PLA2G4A: variants seen among roughly 807,000 people sequenced by gnomAD.
PLA2G4A encodes the protein phospholipase A2 group IVA.
In PLA2G4A, 40 loss-of-function variants were observed where a neutral mutation model predicts 81.9. The observed-to-expected ratio is 0.49, with a 90% CI of 0.38 to 0.64. The LOEUF (loss-of-function observed/expected upper bound fraction) is 0.64. Ranked by LOEUF, PLA2G4A falls within the 30% of genes least tolerant of loss-of-function variation. The pLI, the probability that PLA2G4A is intolerant of heterozygous loss-of-function variation, is 0.00. For synonymous variants in PLA2G4A, 302 were observed against 296.9 expected (o/e 1.02, Z -0.18); for missense variants, 715 against 905.1 (o/e 0.79, Z 2.69).
intron 1 of PLA2G4A, among the ~76,000 whole-genome samples, chr1:186,835,244 C>G (rs1277754340): frequency 6.6e-6 from 1 of 152,058 alleles, no homozygotes; most frequent in Non-Finnish European, 1.5e-5. Context: ...GGATGTTCAC[C>G]CCTTATGGAA....
At chr1:186,863,515 C>T (rs1475320656) in intron 2 of PLA2G4A, among the ~76,000 whole-genome samples, 1 of 152,092 alleles carries the variant, frequency 6.6e-6, no homozygotes, top group Non-Finnish European at 1.5e-5. Context: ...ATCTTCTCTT[C>T]TATTTTGAAA....
chr1:186,900,044 A>T (rs1395036712), intron 5 of PLA2G4A, among the ~76,000 whole-genome samples: 1 of 152,174 alleles, frequency 6.6e-6, no homozygotes. Context: ...AGACAATTTT[A>T]GGGCTGCCAT....
At chr1:186,955,332 T>G (rs1656707270) in intron 13 of PLA2G4A, among the ~76,000 whole-genome samples, 1 of 152,194 alleles carries the variant, frequency 6.6e-6, no homozygotes, top group South Asian at 2.1e-4. Context: ...CCTTTAGCTC[T>G]CTCTCCTCAT....
chr1:186,910,869 G>A (rs985976451), intron 6 of PLA2G4A, among the ~76,000 whole-genome samples: 1 of 152,156 alleles, frequency 6.6e-6, no homozygotes, highest in African/African-American at 2.4e-5. Context: ...GAATAGTGAA[G>A]GGTGGAGAGA....
intron 1 of PLA2G4A, among the ~76,000 whole-genome samples, chr1:186,851,529 A>T (rs1022444964): frequency 6.6e-6 from 1 of 152,036 alleles, no homozygotes; most frequent in Non-Finnish European, 1.5e-5. Context: ...TGTAGTTCTC[A>T]TACTTTGAAT....
At chr1:186,934,135 C>A (rs567120213) in intron 8 of PLA2G4A, among the ~76,000 whole-genome samples, 25 of 152,122 alleles carry the variant, frequency 1.6e-4, no homozygotes, top group South Asian at 1.5e-3. Context: ...AAATCTTGGA[C>A]CCTTACATTA....
Position 186,979,364 on chromosome 1 carries a change from T to C in PLA2G4A, c.2010T>C (p.Ile670=), listed in dbSNP as rs761944779. 1 of 1,611,388 alleles carries C rather than the reference T, an allele frequency of 6.2e-7. No individual in the cohort carries two copies. Among genetic ancestry groups the C allele is most frequent in the African/African-American group, 1.3e-5 (1 of 75,012 alleles). ...AGAAAGAAATCGCTGACTTTGATAT[T>C]TTTGATGACCCAGAATCACCATTTT... The part of the protein sequence containing the change: ...EEEKEIADFD[I]FDDPESPFST... The change falls in exon 17 of 18, where the codon ATT becomes ATC. Residue 670 remains isoleucine, a synonymous_variant. Coordinates refer to ENST00000367466, the MANE Select transcript of PLA2G4A (RefSeq NM_024420.3).
At chr1:186,896,357 CAG>C (rs1654333415) in intron 5 of PLA2G4A, among the ~76,000 whole-genome samples, 1 of 152,148 alleles carries the variant, frequency 6.6e-6, no homozygotes, top group South Asian at 2.1e-4. Flanking sequence ...TGCTGAAGGC[CAG>C]AGTCTTGAAA....
chr1:186,978,217 T>C (rs1657599334), intron 16 of PLA2G4A, among the ~76,000 whole-genome samples: 1 of 152,214 alleles, frequency 6.6e-6, no homozygotes, highest in East Asian at 1.9e-4. Flanking sequence ...GTTTGCCATG[T>C]TGTATTTCAC....
chr1:186,873,989 C>T (rs1653378897), intron 3 of PLA2G4A, among the ~76,000 whole-genome samples: 1 of 152,078 alleles, frequency 6.6e-6, no homozygotes, highest in African/African-American at 2.4e-5. Flanking sequence ...TTCACATTTA[C>T]ACCTGACTCA....
chr1:186,911,178 A>G, intron 6 of PLA2G4A, 70 bp from the exon 7 acceptor site: 1 of 1,366,032 alleles, frequency 7.3e-7, no homozygotes, highest in East Asian at 2.3e-5. Flanking sequence ...GGGACCTGGA[A>G]AAGCTACCTG....
At chr1:186,935,000 A>G (rs1655889999) in intron 8 of PLA2G4A, among the ~76,000 whole-genome samples, 1 of 152,012 alleles carries the variant, frequency 6.6e-6, no homozygotes, top group Admixed American at 6.6e-5. Flanking sequence ...AATTTAATTC[A>G]TGGAACCCTG....
chr1:186,903,175 A>G (rs72709858), intron 5 of PLA2G4A, among the ~76,000 whole-genome samples: 32,095 of 152,112 alleles, frequency 0.21, 3,941 homozygotes, highest in Admixed American at 0.34. Flanking sequence ...CATATTATGT[A>G]ATTCTCTTGA....
chr1:186,988,889 G>T lies in PLA2G4A; in HGVS notation c.*381G>T. 1 of 174,218 alleles carries T rather than the reference G, an allele frequency of 5.7e-6. No individual in the cohort carries two copies. The highest frequency in any genetic ancestry group is 1.5e-4 in the East Asian group (1 of 6,626). The allele number at this position is 174,218 out of a possible 1,614,324, so 10.8% of individuals were successfully genotyped here. On this transcript the variant is annotated 3_prime_UTR_variant, in exon 18 of 18. Coordinates refer to ENST00000367466, the MANE Select transcript of PLA2G4A (RefSeq NM_024420.3). ...GCATTATGTATGAATGTTATTCACTGACTAGATTTATTCATACCATGAGAC... is the reference window on the plus strand; with the variant it reads ...GCATTATGTATGAATGTTATTCACTTACTAGATTTATTCATACCATGAGAC...
intron 13 of PLA2G4A, 144 bp from the exon 14 acceptor site, chr1:186,955,958 T>C: frequency 1.5e-6 from 1 of 677,970 alleles, no homozygotes; most frequent in Non-Finnish European, 2.7e-6. Flanking sequence ...GCCAGGATGG[T>C]CTCAATCTCT....
At chr1:186,899,331 A>T (rs577798735) in intron 5 of PLA2G4A, among the ~76,000 whole-genome samples, 4 of 152,206 alleles carry the variant, frequency 2.6e-5, no homozygotes, top group Admixed American at 2.0e-4. Context: ...GGAGACCGGG[A>T]GGAGATAAGG....
At chr1:186,880,763 T>G (rs1439911191) in intron 3 of PLA2G4A, among the ~76,000 whole-genome samples, 4 of 152,072 alleles carry the variant, frequency 2.6e-5, no homozygotes, top group Non-Finnish European at 5.9e-5. Flanking sequence ...ACTCTTTCTA[T>G]TCAATCTAGA....
At chr1:186,925,633 C>T (rs1655519676) in intron 7 of PLA2G4A, among the ~76,000 whole-genome samples, 1 of 152,136 alleles carries the variant, frequency 6.6e-6, no homozygotes, top group African/African-American at 2.4e-5. Context: ...TAACACTCTC[C>T]CATCCTTTAA....
intron 16 of PLA2G4A, among the ~76,000 whole-genome samples, chr1:186,978,503 G>C (rs897642350): frequency 1.1e-4 from 16 of 151,928 alleles, no homozygotes; most frequent in African/African-American, 3.9e-4. Context: ...AGATTTCTCA[G>C]GAAGACAAAG....
Sources: gnomAD v4.1 joint callset for allele counts (sites outside exome capture counted in the v4.1 genomes callset) on GRCh38, gnomAD v4.1.1 for gene constraint, MANE v1.5 for transcripts, NCBI Gene and HGNC (gene_info 2026-07-23, HGNC 2026-07-21) for gene names.